DPP6: variants seen among roughly 807,000 people sequenced by gnomAD.
DPP6 encodes the protein dipeptidyl peptidase like 6.
Under a neutral mutation model 122.6 loss-of-function variants are expected in DPP6, and 69 were observed. The ratio of observed to expected loss-of-function variants is 0.56; its 90% CI spans 0.46 to 0.69. The LOEUF (loss-of-function observed/expected upper bound fraction) is 0.69. Ranked by LOEUF, DPP6 falls within the 30% of genes least tolerant of loss-of-function variation. The pLI, the probability that DPP6 is intolerant of heterozygous loss-of-function variation, is 0.00. For synonymous variants in DPP6, 418 were observed against 433.1 expected, an observed-to-expected ratio of 0.97 and a Z score of 0.43; for missense variants, 928 against 1,116.9, an observed-to-expected ratio of 0.83 and a Z score of 2.41.
At chr7:154,305,628 G>A in intron 1 of DPP6, 3 of 1,517,372 alleles carry the variant, frequency 2.0e-6, no homozygotes, top group Non-Finnish European at 2.7e-6. Flanking sequence ...GCATGAGAGA[G>A]ACAGAGACAG....
the DPP6 span, among the ~76,000 whole-genome samples, chr7:153,849,275 C>CTT: frequency 1.7e-3 from 248 of 146,782 alleles, 2 homozygotes; most frequent in African/African-American, 4.3e-3. Flanking sequence ...TATATGTTTT[C>CTT]TTTTTTTTTT....
At chr7:154,503,441 G>T (rs1311452400) in intron 3 of DPP6, among the ~76,000 whole-genome samples, 1 of 152,198 alleles carries the variant, frequency 6.6e-6, no homozygotes, top group Admixed American at 6.5e-5. Context: ...TACCTGACCA[G>T]GCTTTTCTTA....
At chr7:154,317,496 A>C (rs1807537398) in intron 1 of DPP6, among the ~76,000 whole-genome samples, 1 of 152,192 alleles carries the variant, frequency 6.6e-6, no homozygotes, top group Admixed American at 6.5e-5. Flanking sequence ...TGGTGTATTC[A>C]TTGTCGAAAA....
Position 154,557,535 on chromosome 7 carries a change from C to T in DPP6, c.553-9307C>T, listed in dbSNP as rs569299765. 2.0e-5 allele frequency among the ~76,000 whole-genome samples: 3 copies of T among 152,168 alleles called. No homozygotes were observed. The South Asian group carries it at 6.2e-4, about 32-fold the overall frequency. On this transcript the variant is annotated intron_variant, in intron 4 of 25. Transcript: ENST00000377770. ...TCACCGTTAGGCACTGGGAATAGAA[C>T]CGTGGCAAAACAAACTAAAATTTGC... is the stretch of plus-strand genomic sequence containing the variant.
At chr7:154,088,471 T>C (rs1180717091) in intron 1 of DPP6, among the ~76,000 whole-genome samples, 1 of 148,142 alleles carries the variant, frequency 6.8e-6, no homozygotes, top group Non-Finnish European at 1.5e-5. Flanking sequence ...TGCTCATCAG[T>C]GTCCATGCAA....
At chr7:154,880,592 G>A (rs569534320) in intron 20 of DPP6, among the ~76,000 whole-genome samples, 3 of 152,310 alleles carry the variant, frequency 2.0e-5, no homozygotes, top group South Asian at 2.1e-4. Context: ...CAGGGGCTGC[G>A]TCTCCCAGAA....
chr7:154,453,257 G>A (rs1454110325), intron 2 of DPP6, among the ~76,000 whole-genome samples: 1 of 152,088 alleles, frequency 6.6e-6, no homozygotes, highest in Non-Finnish European at 1.5e-5. Flanking sequence ...ACACTTTTAG[G>A]TGGTACATCA....
At chr7:154,752,890 C>G (rs113785924) in intron 8 of DPP6, among the ~76,000 whole-genome samples, 2 of 152,124 alleles carry the variant, frequency 1.3e-5, no homozygotes, top group African/African-American at 4.8e-5. Flanking sequence ...GGGTGTGGCT[C>G]TAGTGAACGG....
the DPP6 span, among the ~76,000 whole-genome samples, chr7:153,765,727 A>G: frequency 6.6e-6 from 1 of 152,148 alleles, no homozygotes; most frequent in East Asian, 1.9e-4. Flanking sequence ...CTTATTTGAG[A>G]CTTTGTTTTA....
At chr7:154,873,958 G>GCACA (rs796215782) in intron 19 of DPP6, among the ~76,000 whole-genome samples, 4 of 145,054 alleles carry the variant, frequency 2.8e-5, no homozygotes, top group Non-Finnish European at 1.5e-5. Flanking sequence ...ACACACACAC[G>GCACA]CACCTGCATA....
intron 1 of DPP6, among the ~76,000 whole-genome samples, chr7:153,980,865 G>T (rs952423195): frequency 2.0e-5 from 3 of 152,196 alleles, no homozygotes; most frequent in Non-Finnish European, 4.4e-5. Context: ...TTTTGAGTGA[G>T]TGTCTTAATC....
At chr7:154,837,531 CTG>C (rs1801186292) in intron 16 of DPP6, among the ~76,000 whole-genome samples, 1 of 152,222 alleles carries the variant, frequency 6.6e-6, no homozygotes, top group African/African-American at 2.4e-5. Flanking sequence ...TGAGCCAGCT[CTG>C]GGGGTGGGGG....
intron 5 of DPP6, among the ~76,000 whole-genome samples, chr7:154,623,411 T>C (rs1314987795): frequency 1.3e-5 from 2 of 152,284 alleles, no homozygotes; most frequent in East Asian, 3.9e-4. Flanking sequence ...GGGCGGTGCC[T>C]TTTGCTGCGT....
chr7:154,073,999 C>A (rs574331578), intron 1 of DPP6, among the ~76,000 whole-genome samples: 1 of 148,944 alleles, frequency 6.7e-6, no homozygotes, highest in East Asian at 2.0e-4. Context: ...AAATATATAT[C>A]TATGTATGTA....
Position 154,887,670 on chromosome 7 carries a change from G to A in DPP6, c.2246-6G>A, listed in dbSNP as rs730880075. 6.2e-6 allele frequency: 10 copies of A among 1,613,706 alleles called. No homozygotes were observed. Among genetic ancestry groups the A allele is most frequent in the African/African-American group, 2.7e-5 (2 of 74,924 alleles). ...AGGTAACCTCCCTCCCTTTGCTTCCGTGCAGCCTCTGCGTTTTCCGAGAGG... is the reference window on the plus strand; with the variant it reads ...AGGTAACCTCCCTCCCTTTGCTTCCATGCAGCCTCTGCGTTTTCCGAGAGG... On this transcript the variant is annotated splice_region_variant and splice_polypyrimidine_tract_variant and intron_variant, in intron 22 of 25. Transcript: ENST00000377770.
At chr7:154,184,988 T>C (rs1213343167) in intron 1 of DPP6, among the ~76,000 whole-genome samples, 1 of 152,182 alleles carries the variant, frequency 6.6e-6, no homozygotes, top group Non-Finnish European at 1.5e-5. Context: ...TGGGAGCCGA[T>C]TTAAGTCTTG....
intron 5 of DPP6, among the ~76,000 whole-genome samples, chr7:154,629,211 T>G (rs1835265071): frequency 6.6e-6 from 1 of 152,200 alleles, no homozygotes; most frequent in Admixed American, 6.5e-5. Context: ...TATCTGTTAA[T>G]GATGGAACAC....
chr7:154,494,683 T>G (rs1215014743), intron 3 of DPP6, among the ~76,000 whole-genome samples: 2 of 152,154 alleles, frequency 1.3e-5, no homozygotes, highest in Non-Finnish European at 2.9e-5. Flanking sequence ...TTACCAAGAC[T>G]CTTTTCTGCA....
chr7:154,599,811 G>A (rs544925261), intron 5 of DPP6, among the ~76,000 whole-genome samples: 11 of 152,092 alleles, frequency 7.2e-5, no homozygotes, highest in Admixed American at 5.2e-4. Context: ...CAGAATGATG[G>A]TTTCCAGCTT....
Sources: allele counts gnomAD v4.1 joint callset (sites outside exome capture counted in the v4.1 genomes callset), GRCh38; gene constraint gnomAD v4.1.1; transcripts MANE v1.5; gene names NCBI Gene and HGNC (gene_info 2026-07-23, HGNC 2026-07-21).